TTN: variants seen among roughly 807,000 people sequenced by gnomAD.
TTN encodes the protein connectin.
In TTN, 1,525 loss-of-function variants were observed where a neutral mutation model predicts 3,223.0. The observed-to-expected ratio is 0.47, with a 90% CI of 0.45 to 0.49. The LOEUF is 0.49. Among genes scored for constraint, TTN ranks in the 20% least tolerant of loss-of-function variants. TTN has a pLI of 0.00. For missense variants in TTN, 40,786 were observed against 43,424.0 expected, an observed-to-expected ratio of 0.94 and a Z score of 5.40; for synonymous variants, 14,094 against 15,161.0, an observed-to-expected ratio of 0.93 and a Z score of 5.17.
chr2:178,785,765 G>A, intron 14 of TTN, 23 bp from the exon 15 acceptor site: 1 of 1,614,092 alleles, frequency 6.2e-7, no homozygotes, highest in Non-Finnish European at 8.5e-7. Flanking sequence ...GAAACTCAGT[G>A]ATACCATTGA....
rs776892257 is a variant in TTN, at chr2:178,666,696, T to C, written c.35875+128A>G. 462 of 721,120 alleles carry C rather than the reference T, an allele frequency of 6.4e-4. 1 individual carries two copies. The highest frequency in any genetic ancestry group is 7.2e-4 in the Non-Finnish European group (335 of 463,806). 44.7% of individuals were successfully genotyped at this position (721,120 alleles called of 1,614,324 possible). On this transcript the variant is annotated intron_variant, in intron 163 of 362. Coordinates refer to ENST00000589042, the MANE Select transcript of TTN (RefSeq NM_001267550.2). ...TGAATACATTTGGTTGAGCTTCTAC[T>C]TGGGGGATCCATCTCTGAAATGATT...
chr2:178,727,906 G>A (rs778732980), intron 67 of TTN, 43 bp from the exon 68 acceptor site: 21 of 1,505,138 alleles, frequency 1.4e-5, no homozygotes, highest in Non-Finnish European at 1.9e-5. Context: ...ATTGCTTGCA[G>A]TTGAATTATT....
At position 178,601,798 on chromosome 2, in the gene TTN, A is replaced by G. The variant is rs749024885; in HGVS notation, c.55303-11T>C. 6.2e-7 allele frequency: 1 copy of G among 1,601,238 alleles called. No individual in the cohort carries two copies. Among genetic ancestry groups the G allele is most frequent in the East Asian group, 2.2e-5 (1 of 44,616 alleles). ...TTCAGCAGTCTCCAGCTGTACAAAGAAAATAGTAGTCATACATTGAATGAA... is the reference window on the plus strand; with the variant it reads ...TTCAGCAGTCTCCAGCTGTACAAAGGAAATAGTAGTCATACATTGAATGAA... On this transcript the variant is annotated splice_polypyrimidine_tract_variant and intron_variant, in intron 285 of 362. Transcript: ENST00000589042.
At position 178,618,750 on chromosome 2, in the gene TTN, T is replaced by C. The variant is rs190058852; in HGVS notation, c.46800A>G (p.Glu15600=). 311 of 1,611,822 alleles carry C rather than the reference T, an allele frequency of 1.9e-4. 2 individuals carry two copies. The East Asian group carries it at 5.6e-3, about 29-fold the overall frequency. ...PYDAYPKAEA[E]WFKENEPLST... Reference sequence around the variant, plus strand: ...ATAAAGGTTCATTTTCTTTAAACCATTCAGCTTCTGCTTTGGGGTAGGCAT... The same window carrying C: ...ATAAAGGTTCATTTTCTTTAAACCACTCAGCTTCTGCTTTGGGGTAGGCAT... The change falls in exon 251 of 363, where the codon GAA becomes GAG. Residue 15600 remains glutamate (E), a synonymous_variant. Coordinates refer to ENST00000589042, the MANE Select transcript of TTN (RefSeq NM_001267550.2).
At position 178,565,758 on chromosome 2, in the gene TTN, C is replaced by T. The variant is rs1459115482; in HGVS notation, c.80374G>A (p.Val26792Met). The change falls in exon 326 of 363, where the codon GTG becomes ATG. Residue 26792 changes from valine (V) to methionine (M), a missense_variant. Physicochemically the swap from Val to Met is conservative, Grantham distance 21. Coordinates refer to ENST00000589042, the MANE Select transcript of TTN (RefSeq NM_001267550.2). ...SPPGKVTLTD[V>M]SQTSASLMWE... ...ATAAGTGATGCACTGGTCTGGGACA[C>T]ATCAGTGAGTGTAACCTTTCCTGGT... 2 of 1,613,574 alleles carry T rather than the reference C, an allele frequency of 1.2e-6. No homozygotes were observed. The highest frequency in any genetic ancestry group is 1.7e-6 in the Non-Finnish European group (2 of 1,179,626).
At chr2:178,792,243 T>G (rs1464551967) in intron 9 of TTN, 46 bp from the exon 10 acceptor site, 1 of 1,559,736 alleles carries the variant, frequency 6.4e-7, no homozygotes, top group African/African-American at 1.4e-5. Flanking sequence ...TGATGCCCAA[T>G]GAAATAATAT....
chr2:178,746,754 A>G, intron 47 of TTN: 1 of 1,613,332 alleles, frequency 6.2e-7, no homozygotes, highest in Non-Finnish European at 8.5e-7. Flanking sequence ...TTTCGATACC[A>G]TTTCACACCA....
In TTN at chr2:178,554,190, C is replaced by T. The variant is rs772380405; in HGVS notation, c.88921G>A (p.Glu29641Lys). The T allele has an allele frequency of 2.5e-6, 4 of 1,604,784 alleles. No homozygotes were observed. The Admixed American group carries it at 5.1e-5, about 21-fold the overall frequency. ...FVTPGPPGIP[E>K]VTKITKNSMT... is the part of the protein sequence containing the mutation. ...GAATTCTTGGTAATCTTTGTCACTT[C>T]TGGTATGCCTGGTGGCCCAGGTGTA... The change falls in exon 333 of 363, where the codon GAA becomes AAA. Residue 29641 changes from glutamate to lysine, a missense_variant. Coordinates refer to ENST00000589042, the MANE Select transcript of TTN (RefSeq NM_001267550.2).
chr2:178,541,301 G>T lies in TTN; in HGVS notation c.97776C>A (p.Ile32592=), dbSNP rs375166890. 7 of 1,514,760 alleles carry T rather than the reference G, an allele frequency of 4.6e-6. No individual in the cohort carries two copies. The African/African-American group carries it at 6.9e-5, about 15-fold the overall frequency. The allele number at this position is 1,514,760 out of a possible 1,614,324, so 93.8% of individuals were successfully genotyped here. A position where few individuals can be genotyped will look rare whatever the true frequency, so the allele number is the denominator to read the frequency against. Residue 32592 remains isoleucine, a synonymous_variant, in exon 350 of 363, where the codon ATC becomes ATA. Transcript: ENST00000589042. ...SGKPSRPSKP[I]VAMDPIAPPG... is the part of the protein sequence containing the mutation. ...CCTTACCAATTGGATCCATGGCAAC[G>T]ATGGGTTTGGAAGGACGACTTGGTT...
intron 47 of TTN, chr2:178,745,661 T>C (rs1026261472): frequency 2.9e-5 from 47 of 1,612,428 alleles, no homozygotes; most frequent in Non-Finnish European, 3.9e-5. Flanking sequence ...CTCTCCTTCA[T>C]CACTCTTTAC....
In TTN at chr2:178,561,576, C is replaced by G; in HGVS notation, c.84556G>C (p.Val28186Leu). Residue 28186 changes from valine (V) to leucine (L), a missense_variant, in exon 326 of 363, where the codon GTA becomes CTA. Physicochemically the swap from Val to Leu is conservative, Grantham distance 32 (BLOSUM62 1). Coordinates refer to ENST00000589042, the MANE Select transcript of TTN (RefSeq NM_001267550.2). ...QVPVNDGGSR[V>L]IGYHLEYKER... is the part of the protein sequence containing the mutation. The stretch of plus-strand genomic sequence containing the variant: ...TTATACTCAAGATGATAGCCAATTA[C>G]TCGACTTCCTCCATCATTAACTGGC... The G allele has an allele frequency of 6.2e-7, 1 of 1,613,238 alleles. No homozygotes were observed. The highest frequency in any genetic ancestry group is 1.7e-4 in the Middle Eastern group (1 of 6,052).
chr2:178,702,733 C>T, intron 106 of TTN, 70 bp from the exon 107 acceptor site: 2 of 1,420,602 alleles, frequency 1.4e-6, no homozygotes, highest in Non-Finnish European at 1.9e-6. Flanking sequence ...GCTTTTACCT[C>T]AGATACTTAA....
intron 215 of TTN, 38 bp from the exon 216 acceptor site, chr2:178,646,597 G>T: frequency 7.7e-7 from 1 of 1,299,376 alleles, no homozygotes; most frequent in Non-Finnish European, 1.1e-6. Context: ...AGGTTGCAAT[G>T]TAAAGTTCTT....
rs773794255 is a variant in TTN, at chr2:178,641,327, A to C, written c.40559-12T>G. Reference sequence around the variant, plus strand: ...TCTTTTTCTTAGAACTTTAAAGACAAAAAGGTTTATATGTAAACCAAGACA... The same window carrying C: ...TCTTTTTCTTAGAACTTTAAAGACACAAAGGTTTATATGTAAACCAAGACA... On this transcript the variant is annotated splice_polypyrimidine_tract_variant and intron_variant, in intron 219 of 362. Transcript: ENST00000589042. 7.0e-7 allele frequency: 1 copy of C among 1,428,526 alleles called. No homozygotes were observed. The highest frequency in any genetic ancestry group is 9.4e-7 in the Non-Finnish European group (1 of 1,062,464). The allele number at this position is 1,428,526 out of a possible 1,614,324, so 88.5% of individuals were successfully genotyped here.
At chr2:178,671,689 G>A (rs1053644917) in intron 155 of TTN, among the ~76,000 whole-genome samples, 1 of 151,546 alleles carries the variant, frequency 6.6e-6, no homozygotes, top group Non-Finnish European at 1.5e-5. Context: ...AGTTATTTTG[G>A]TACCTGTAAC....
In TTN at chr2:178,532,015, T is replaced by A; in HGVS notation, c.104600A>T (p.Glu34867Val). The A allele has an allele frequency of 2.5e-6, 4 of 1,613,888 alleles. No individual in the cohort carries two copies. Among genetic ancestry groups the A allele is most frequent in the Non-Finnish European group, 3.4e-6 (4 of 1,179,882 alleles). ...CCTTCTTTCTGTGTCATCTTCGTAT[T>A]CCTCAGCCGGTTGTGGACGTGACCG... is the stretch of plus-strand genomic sequence containing the variant. ...LIRSRPQPAE[E>V]YEDDTERRSP... The change falls in exon 358 of 363, where the codon GAA becomes GTA. Residue 34867 changes from glutamate to valine, a missense_variant. Transcript: ENST00000589042.
Position 178,536,934 on chromosome 2 carries a change from T to A in TTN, c.100171+4A>T. ...GGAAGATACAGAAATCAAGTTGTAC[T>A]CACCAAATGGACTCTTAATGATCAC... On this transcript the variant is annotated splice_donor_region_variant and intron_variant, in intron 356 of 362. Coordinates refer to ENST00000589042, the MANE Select transcript of TTN (RefSeq NM_001267550.2). 6.3e-7 allele frequency: 1 copy of A among 1,590,750 alleles called. No homozygotes were observed. Among genetic ancestry groups the A allele is most frequent in the Non-Finnish European group, 8.6e-7 (1 of 1,164,844 alleles).
In TTN at chr2:178,552,048, G is replaced by A; in HGVS notation, c.90852C>T (p.Phe30284=). The part of the protein sequence containing the change: ...MVCSSVARTT[F]KVPNLVKDAE... Reference sequence around the variant, plus strand: ...CATCTTTGACTAGATTAGGAACTTTGAAAGTCGTTCTGGCAACACTTGAAC... The same window carrying A: ...CATCTTTGACTAGATTAGGAACTTTAAAAGTCGTTCTGGCAACACTTGAAC... Residue 30284 remains phenylalanine, a synonymous_variant, in exon 335 of 363, where the codon TTC becomes TTT. Transcript: ENST00000589042. The A allele has an allele frequency of 6.2e-7, 1 of 1,613,678 alleles. No individual in the cohort carries two copies. Among genetic ancestry groups the A allele is most frequent in the Admixed American group, 1.7e-5 (1 of 60,006 alleles).
rs397517514 is a variant in TTN, at chr2:178,717,809, C to T, written c.25065G>A (p.Ala8355=). 57 of 1,603,890 alleles carry T rather than the reference C, an allele frequency of 3.6e-5. No homozygotes were observed. The African/African-American group carries it at 3.8e-4, about 11-fold the overall frequency. ...VASSAVLVIK[A]RKLPPFFARK... is the part of the protein sequence containing the mutation. ...TTGCAAAGAAAGGTGGAAGTTTGCG[C>T]GCTGTAAAGAAGTTACAGATAATCC... Residue 8355 remains alanine (A), a splice_region_variant and synonymous_variant, in exon 87 of 363, where the codon GCG becomes GCA. Coordinates refer to ENST00000589042, the MANE Select transcript of TTN (RefSeq NM_001267550.2).
Sources: allele counts gnomAD v4.1 joint callset (sites outside exome capture counted in the v4.1 genomes callset), GRCh38; gene constraint gnomAD v4.1.1; transcripts MANE v1.5; gene names NCBI Gene and HGNC (gene_info 2026-07-23, HGNC 2026-07-21).